Variants in CREB3L3 observed in about 807,000 individuals in gnomAD.
CREB3L3 encodes the protein cAMP responsive element binding protein 3 like 3.
Under a neutral mutation model 44.6 loss-of-function variants are expected in CREB3L3, and 40 were observed. That is an observed-to-expected ratio of 0.90 (90% CI 0.70 to 1.17). CREB3L3 has a LOEUF of 1.17. CREB3L3 is among the 50% of genes most tolerant of loss of function. The pLI is 0.00. For missense variants in CREB3L3, 578 were observed against 595.8 expected (o/e 0.97, Z 0.31); for synonymous variants, 273 against 256.3 (o/e 1.06, Z -0.62).
At position 4,168,392 on chromosome 19, in the gene CREB3L3, G is replaced by A; in HGVS notation, c.756G>A (p.Arg252=). Residue 252 remains arginine, a synonymous_variant, in exon 6 of 10, where the codon CGG becomes CGA. Transcript: ENST00000078445. ...TGAAAAAAATCCGCCGGAAAATCCG[G>A]AACAAGCAGTCGGCGCAAGAAAGCA... The part of the protein sequence containing the change: ...RVLKKIRRKI[R]NKQSAQESRK... 6.2e-7 allele frequency: 1 copy of A among 1,611,666 alleles called. No individual in the cohort carries two copies. Among genetic ancestry groups the A allele is most frequent in the Non-Finnish European group, 8.5e-7 (1 of 1,178,726 alleles).
chr19:4,171,234 G>A lies in CREB3L3; in HGVS notation c.975+59G>A. On this transcript the variant is annotated intron_variant, in intron 8 of 9. Coordinates refer to ENST00000078445, the MANE Select transcript of CREB3L3 (RefSeq NM_032607.3). The surrounding 1 kb of genome is among the most constrained non-coding windows in gnomAD (Gnocchi z 4.9). ...CTAGGCTTCTGTAGAGGGGCCCATA[G>A]GGAGGTGACAATGAGTCCAAGCTCT... 9 of 1,524,700 alleles carry A rather than the reference G, an allele frequency of 5.9e-6. No individual in the cohort carries two copies. Among genetic ancestry groups the A allele is most frequent in the East Asian group, 2.3e-5 (1 of 44,418 alleles). 94.4% of individuals were successfully genotyped at this position (1,524,700 alleles called of 1,614,324 possible).
Position 4,171,030 on chromosome 19 carries a change from T to TG in CREB3L3, c.891-59dup. 7.4e-7 allele frequency: 1 copy of TG among 1,352,416 alleles called. No individual in the cohort carries two copies. Among genetic ancestry groups the TG allele is most frequent in the Non-Finnish European group, 1.1e-6 (1 of 941,240 alleles). The allele number at this position is 1,352,416 out of a possible 1,614,324, so 83.8% of individuals were successfully genotyped here. A position where few individuals can be genotyped will look rare whatever the true frequency, so the allele number is the denominator to read the frequency against. ...TAGCGGGGCTGGGGGACCCCGGAAA[T>TG]GGACGAGAAGCAGAACCGAGGCCCT... is the stretch of plus-strand genomic sequence containing the variant. On this transcript the variant is annotated intron_variant, in intron 7 of 9. Transcript: ENST00000078445. The surrounding 1 kb of genome is among the most constrained non-coding windows in gnomAD (Gnocchi z 4.9).
intron 3 of CREB3L3, among the ~76,000 whole-genome samples, chr19:4,158,674 G>A (rs1415075568): frequency 2.0e-5 from 3 of 151,918 alleles, no homozygotes; most frequent in African/African-American, 7.2e-5. Context: ...GGTGGCAGGC[G>A]CCTGTAGTCT....
At position 4,172,730 on chromosome 19, in the gene CREB3L3, G is replaced by A. The variant is rs1967085992; in HGVS notation, c.*761G>A. 4.5e-6 allele frequency: 1 copy of A among 223,600 alleles called. No individual in the cohort carries two copies. 13.9% of individuals were successfully genotyped at this position (223,600 alleles called of 1,614,324 possible). A position where few individuals can be genotyped will look rare whatever the true frequency, so the allele number is the denominator to read the frequency against. On this transcript the variant is annotated 3_prime_UTR_variant, in exon 10 of 10. Transcript: ENST00000078445. ...ACAGACACAGCCTGAAACAGACCCA[G>A]ACAGACAGACCGACGCAGCCTGAAA...
At chr19:4,158,649 A>G (rs1483318050) in intron 3 of CREB3L3, among the ~76,000 whole-genome samples, 1 of 151,906 alleles carries the variant, frequency 6.6e-6, no homozygotes, top group Non-Finnish European at 1.5e-5. Flanking sequence ...AAAAATACAA[A>G]AATTAGCTGG....
At chr19:4,170,294 C>A in intron 7 of CREB3L3, 86 bp downstream of exon 7, 2 of 1,300,106 alleles carry the variant, frequency 1.5e-6, no homozygotes, top group Non-Finnish European at 2.2e-6. Context: ...CATGTGATGG[C>A]AGAATGACAT....
At chr19:4,162,674 A>T (rs926013002) in intron 4 of CREB3L3, among the ~76,000 whole-genome samples, 1 of 151,974 alleles carries the variant, frequency 6.6e-6, no homozygotes, top group African/African-American at 2.4e-5. Context: ...ACACAGTGAC[A>T]TCTTGCATCT....
intron 3 of CREB3L3, among the ~76,000 whole-genome samples, chr19:4,158,530 A>G (rs905626615): frequency 1.3e-5 from 2 of 148,722 alleles, no homozygotes; most frequent in Non-Finnish European, 3.0e-5. Context: ...TGCTGGGCAC[A>G]GTGGTTCACG....
At chr19:4,163,136 T>C (rs1220208579) in intron 4 of CREB3L3, among the ~76,000 whole-genome samples, 1 of 151,268 alleles carries the variant, frequency 6.6e-6, no homozygotes, top group East Asian at 2.0e-4. Flanking sequence ...TGAAACCCCG[T>C]CTCTACTAAA....
rs1453060100 is a variant in CREB3L3 at position 4,159,695 on chromosome 19, T to C, written c.489T>C (p.Ala163=). The change falls in exon 4 of 10, where the codon GCT becomes GCC. Residue 163 remains alanine (A), a synonymous_variant. Transcript: ENST00000078445. ...EMWSPGGRIC[A]EKPADPVDLS... is the part of the protein sequence containing the mutation. ...GGAGCCCAGGAGGAAGGATCTGTGC[T>C]GAGAAGCCGGCTGATCCGGTGGACC... The C allele has an allele frequency of 2.5e-6, 4 of 1,590,600 alleles. No homozygotes were observed. Among genetic ancestry groups the C allele is most frequent in the South Asian group, 2.2e-5 (2 of 90,690 alleles).
chr19:4,170,934 CAAATAAAT>C (rs968725271), intron 7 of CREB3L3, among the ~76,000 whole-genome samples, 149 bp from the exon 8 acceptor site: 2 of 147,146 alleles, frequency 1.4e-5, no homozygotes, highest in South Asian at 4.3e-4. Flanking sequence ...AATAAATAAA[CAAATAAAT>C]AAATAAATAA....
chr19:4,153,717 G>T lies in CREB3L3; in HGVS notation c.-31G>T, dbSNP rs201519223. ...CTCCAGCTTGGAGCAGAGACCCCCC[G>T]AGGCATCTGCAGACAGAACTGGATG... On this transcript the variant is annotated 5_prime_UTR_variant, in exon 1 of 10. Coordinates refer to ENST00000078445, the MANE Select transcript of CREB3L3 (RefSeq NM_032607.3). 6.2e-5 allele frequency: 100 copies of T among 1,613,890 alleles called. No homozygotes were observed. Among genetic ancestry groups the T allele is most frequent in the African/African-American group, 5.3e-4 (40 of 75,024 alleles).
At position 4,153,712 on chromosome 19, in the gene CREB3L3, C is replaced by A. The variant is rs1469314956; in HGVS notation, c.-36C>A. ...TGGGCCTCCAGCTTGGAGCAGAGAC[C>A]CCCCGAGGCATCTGCAGACAGAACT... On this transcript the variant is annotated 5_prime_UTR_variant, in exon 1 of 10. Transcript: ENST00000078445. The A allele has an allele frequency of 6.2e-7, 1 of 1,613,744 alleles. No homozygotes were observed. Among genetic ancestry groups the A allele is most frequent in the Non-Finnish European group, 8.5e-7 (1 of 1,179,862 alleles).
chr19:4,154,243 T>G (rs1429269665), intron 1 of CREB3L3, among the ~76,000 whole-genome samples: 1 of 151,902 alleles, frequency 6.6e-6, no homozygotes, highest in Non-Finnish European at 1.5e-5. Context: ...GGCTAATTTT[T>G]GTACTTTTCC....
At position 4,172,274 on chromosome 19, in the gene CREB3L3, A is replaced by T; in HGVS notation, c.*305A>T. On this transcript the variant is annotated 3_prime_UTR_variant, in exon 10 of 10. Coordinates refer to ENST00000078445, the MANE Select transcript of CREB3L3 (RefSeq NM_032607.3). ...ACCTGGACAGACAGACACAGCCTGA[A>T]ACAGACCCGGACAGACAGACACAGC... 1 of 534,672 alleles carries T rather than the reference A, an allele frequency of 1.9e-6. No homozygotes were observed. The highest frequency in any genetic ancestry group is 1.9e-5 in the African/African-American group (1 of 52,742). 33.1% of individuals were successfully genotyped at this position (534,672 alleles called of 1,614,324 possible). A position where few individuals can be genotyped will look rare whatever the true frequency, so the allele number is the denominator to read the frequency against.
At chr19:4,165,454 C>G (rs1189249064) in intron 5 of CREB3L3, among the ~76,000 whole-genome samples, 1 of 151,674 alleles carries the variant, frequency 6.6e-6, no homozygotes, top group Non-Finnish European at 1.5e-5. Flanking sequence ...GGATTACAGG[C>G]ATGAGCCATC....
At chr19:4,168,061 C>T (rs371936018) in intron 5 of CREB3L3, among the ~76,000 whole-genome samples, 9 of 151,530 alleles carry the variant, frequency 5.9e-5, no homozygotes, top group South Asian at 2.1e-4. Context: ...TGCAATGGCA[C>T]GATCTTGGCT....
chr19:4,167,352 A>AAGAAAGAAAGAGAGAG (rs377740874), intron 5 of CREB3L3, among the ~76,000 whole-genome samples: 3 of 130,144 alleles, frequency 2.3e-5, no homozygotes, highest in African/African-American at 8.8e-5. Context: ...GAAAGAAAGA[A>AAGAAAGAAAGAGAGAG]AGAGAGAGAG....
rs1967065194 is a variant in CREB3L3, at chr19:4,172,114, C to T, written c.*145C>T. The T allele has an allele frequency of 2.2e-6, 2 of 897,750 alleles. No homozygotes were observed. The highest frequency in any genetic ancestry group is 3.3e-6 in the Non-Finnish European group (2 of 607,862). The allele number at this position is 897,750 out of a possible 1,614,324, so 55.6% of individuals were successfully genotyped here. A position where few individuals can be genotyped will look rare whatever the true frequency, so the allele number is the denominator to read the frequency against. ...ATGGGGGAGGCACAGCTCATAGCCA[C>T]ACACCCAGGGCCTGACTGAGGCCCA... On this transcript the variant is annotated 3_prime_UTR_variant, in exon 10 of 10. Coordinates refer to ENST00000078445, the MANE Select transcript of CREB3L3 (RefSeq NM_032607.3).
Sources: gnomAD v4.1 joint callset for allele counts (sites outside exome capture counted in the v4.1 genomes callset) on GRCh38, gnomAD v4.1.1 for gene constraint, Gnocchi (gnomAD v3.1) non-coding constraint, MANE v1.5 for transcripts, NCBI Gene and HGNC (gene_info 2026-07-23, HGNC 2026-07-21) for gene names.